The following RAB27A variants were observed in gnomAD, a reference collection of about 807,000 sequenced individuals.
RAB27A encodes the protein RAB27A, member RAS oncogene family, also known as ras-related protein Rab-27A.
A neutral mutation model predicts 20.8 loss-of-function variants in RAB27A; 17 were observed. The observed-to-expected ratio is 0.82, with a 90% CI of 0.56 to 1.23. RAB27A has a LOEUF of 1.23. Ranked by LOEUF, RAB27A falls within the 50% of genes most tolerant of loss-of-function variation. The pLI is 0.00. For synonymous variants in RAB27A, 85 were observed against 92.8 expected (o/e 0.92, Z 0.48); for missense variants, 277 against 266.7 (o/e 1.04, Z -0.27).
intron 1 of RAB27A, among the ~76,000 whole-genome samples, chr15:55,281,092 C>T (rs1898004745): frequency 6.6e-6 from 1 of 152,178 alleles, no homozygotes; most frequent in African/African-American, 2.4e-5. Flanking sequence ...CACTGTCTTC[C>T]ACAATGGTTG....
chr15:55,205,829 C>T (rs1268453676), intron 6 of RAB27A, 124 bp from the exon 7 acceptor site: 2 of 879,638 alleles, frequency 2.3e-6, no homozygotes, highest in African/African-American at 3.3e-5. Context: ...CATTTTACCA[C>T]CCCAGAGTAC....
intron 2 of RAB27A, among the ~76,000 whole-genome samples, chr15:55,311,562 T>C (rs866666611): frequency 6.6e-6 from 1 of 152,266 alleles, no homozygotes; most frequent in Middle Eastern, 3.4e-3. Flanking sequence ...AATCACACTT[T>C]TTACATAATT....
intron 2 of RAB27A, among the ~76,000 whole-genome samples, chr15:55,298,284 T>A (rs962477471): frequency 2.6e-5 from 4 of 151,724 alleles, no homozygotes; most frequent in Non-Finnish European, 5.9e-5. Flanking sequence ...TTTTCTACTT[T>A]CCCTAAGCAT....
intron 2 of RAB27A, among the ~76,000 whole-genome samples, chr15:55,307,583 C>T (rs559379252): frequency 1.4e-4 from 22 of 151,990 alleles, no homozygotes; most frequent in East Asian, 1.2e-3. Context: ...CAGGGAAGTC[C>T]GAATCTGGGA....
At chr15:55,262,709 T>C (rs539318666) in intron 2 of RAB27A, among the ~76,000 whole-genome samples, 2 of 151,038 alleles carry the variant, frequency 1.3e-5, no homozygotes, top group Non-Finnish European at 2.9e-5. Context: ...CACAGCTCAC[T>C]GCAGCCTCGG....
At chr15:55,250,487 AT>A (rs1444862951) in intron 2 of RAB27A, among the ~76,000 whole-genome samples, 2 of 152,308 alleles carry the variant, frequency 1.3e-5, no homozygotes, top group South Asian at 2.1e-4. Context: ...GAATGGATTA[AT>A]TTGTCTATTG....
chr15:55,210,579 T>C (rs747254666), intron 6 of RAB27A, among the ~76,000 whole-genome samples: 3 of 152,154 alleles, frequency 2.0e-5, no homozygotes, highest in South Asian at 2.1e-4. Context: ...TTTTGAGAAA[T>C]GTCTATTCAG....
chr15:55,225,739 A>C (rs1233557926), intron 5 of RAB27A, among the ~76,000 whole-genome samples: 1 of 152,166 alleles, frequency 6.6e-6, no homozygotes, highest in Non-Finnish European at 1.5e-5. Context: ...TAATTTTTCT[A>C]CTAAGATTGT....
At position 55,226,816 on chromosome 15, in the gene RAB27A, C is replaced by T. The variant is rs1224915033; in HGVS notation, c.343+1793G>A. Among the ~76,000 whole-genome samples, 10 of 146,298 alleles carry T rather than the reference C, an allele frequency of 6.8e-5. No homozygotes were observed. In the Admixed American group the frequency reaches 7.0e-4, roughly 10 times the overall value. On this transcript the variant is annotated intron_variant, in intron 5 of 6. Coordinates refer to ENST00000336787, the MANE Select transcript of RAB27A (RefSeq NM_183235.3). ...CCAGGAGGCAGAGGTTGCAGTGAGC[C>T]GAGACTGCACCATTGCACTCCAGCA...
At chr15:55,295,801 G>A (rs1228419420) in intron 2 of RAB27A, among the ~76,000 whole-genome samples, 2 of 151,726 alleles carry the variant, frequency 1.3e-5, no homozygotes, top group East Asian at 1.9e-4. Flanking sequence ...CATTGTGAAT[G>A]TACAAAATGT....
chr15:55,310,601 C>T (rs2055016057), intron 2 of RAB27A, among the ~76,000 whole-genome samples: 1 of 152,154 alleles, frequency 6.6e-6, no homozygotes, highest in Non-Finnish European at 1.5e-5. Flanking sequence ...TTTCCCTTTT[C>T]CAGAGCCTCC....
At chr15:55,215,945 CAAAAA>C (rs1162706734) in intron 6 of RAB27A, among the ~76,000 whole-genome samples, 2 of 52,888 alleles carry the variant, frequency 3.8e-5, no homozygotes, top group African/African-American at 1.4e-4. Flanking sequence ...GACGCCGTCT[CAAAAA>C]AAAAAAAAAA....
Position 55,204,181 on chromosome 15 carries a change from A to G in RAB27A, c.*1326T>C, listed in dbSNP as rs574045005. 7 of 152,338 alleles carry G rather than the reference A, an allele frequency of 4.6e-5. No homozygotes were observed. Among genetic ancestry groups the G allele is most frequent in the African/African-American group, 1.4e-4 (6 of 41,572 alleles). The allele number at this position is 152,338 out of a possible 1,614,324, so 9.4% of individuals were successfully genotyped here. On this transcript the variant is annotated 3_prime_UTR_variant, in exon 7 of 7. Transcript: ENST00000336787. ...GGAAGTTTTGATCTACTTTATTCAA[A>G]CCACTTTAATAAATAAGACTTTTCA...
chr15:55,229,638 C>T (rs546923306), intron 4 of RAB27A, among the ~76,000 whole-genome samples: 18 of 151,580 alleles, frequency 1.2e-4, no homozygotes, highest in Non-Finnish European at 2.5e-4. Flanking sequence ...TCACGTCAGC[C>T]TGGGCAACAA....
intron 1 of RAB27A, among the ~76,000 whole-genome samples, chr15:55,282,265 A>C (rs1177293697): frequency 1.3e-5 from 2 of 152,206 alleles, no homozygotes; most frequent in African/African-American, 4.8e-5. Context: ...ACATAAAAAG[A>C]ACACACCAGG....
chr15:55,247,173 C>A (rs183613190), intron 2 of RAB27A, among the ~76,000 whole-genome samples: 14 of 151,994 alleles, frequency 9.2e-5, no homozygotes, highest in Admixed American at 9.2e-4. Flanking sequence ...CTTAAGCTAC[C>A]TGGAAGGTAG....
intron 2 of RAB27A, among the ~76,000 whole-genome samples, chr15:55,304,951 C>T (rs1335957585): frequency 6.6e-6 from 1 of 152,138 alleles, no homozygotes; most frequent in Non-Finnish European, 1.5e-5. Context: ...AAGAGGGTAG[C>T]AGTTGCTGGC....
chr15:55,247,670 C>A (rs904878873), intron 2 of RAB27A, among the ~76,000 whole-genome samples: 1 of 152,144 alleles, frequency 6.6e-6, no homozygotes, highest in Non-Finnish European at 1.5e-5. Flanking sequence ...AATGATACTT[C>A]TTTCCTTCCA....
At chr15:55,248,609 T>C (rs1466858454) in intron 2 of RAB27A, among the ~76,000 whole-genome samples, 12 of 152,216 alleles carry the variant, frequency 7.9e-5, no homozygotes, top group Admixed American at 6.5e-4. Flanking sequence ...TTCACCATAA[T>C]GTTAATGAAA....
Sources: gnomAD v4.1 joint callset for allele counts (sites outside exome capture counted in the v4.1 genomes callset) on GRCh38, gnomAD v4.1.1 for gene constraint, MANE v1.5 for transcripts, NCBI Gene and HGNC (gene_info 2026-07-23, HGNC 2026-07-21) for gene names.